The following DDX10 variants were observed in gnomAD, a reference collection of about 807,000 sequenced individuals.
DDX10 encodes probable ATP-dependent RNA helicase DDX10.
DDX10 carries 74 observed loss-of-function variants against 104.3 expected under a neutral mutation model. The ratio of observed to expected loss-of-function variants is 0.71; its 90% CI spans 0.59 to 0.86. DDX10 has a LOEUF of 0.86. Ranked by LOEUF, DDX10 falls within the 40% of genes least tolerant of loss-of-function variation. The pLI is 0.00. For missense variants in DDX10, 952 were observed against 1,040.0 expected, an observed-to-expected ratio of 0.92 and a Z score of 1.16; for synonymous variants, 351 against 353.4, an observed-to-expected ratio of 0.99 and a Z score of 0.08.
chr11:108,730,414 A>T (rs991089677), intron 13 of DDX10, among the ~76,000 whole-genome samples: 1 of 152,226 alleles, frequency 6.6e-6, no homozygotes, highest in East Asian at 1.9e-4. Flanking sequence ...ATCCAGGGCT[A>T]TCAAACAAAA....
chr11:108,785,680 C>G (rs1364497360), intron 13 of DDX10, among the ~76,000 whole-genome samples: 1 of 152,108 alleles, frequency 6.6e-6, no homozygotes, highest in Non-Finnish European at 1.5e-5. Flanking sequence ...TTTCCAGGAA[C>G]TTATCCATTT....
In DDX10 at chr11:108,940,387, A is replaced by G. The variant is rs1320181536; in HGVS notation, c.2592A>G (p.Glu864=). ...LDTGLSLAED[E]ELVLHLLRSQ... is the part of the protein sequence containing the mutation. ...CCGGCCTGTCTTTAGCAGAGGATGA[A>G]GAGCTGGTGTTACATCTGCTAAGAA... Residue 864 remains glutamate, a synonymous_variant, in exon 18 of 18, where the codon GAA becomes GAG. Transcript: ENST00000322536. 1 of 1,613,972 alleles carries G rather than the reference A, an allele frequency of 6.2e-7. No homozygotes were observed. The highest frequency in any genetic ancestry group is 1.7e-5 in the Admixed American group (1 of 60,006).
intron 13 of DDX10, among the ~76,000 whole-genome samples, chr11:108,797,707 C>T (rs1446643180): frequency 6.6e-6 from 1 of 152,194 alleles, no homozygotes; most frequent in Admixed American, 6.5e-5. Context: ...GTAAATACTT[C>T]TATTGTGCTT....
intron 14 of DDX10, among the ~76,000 whole-genome samples, chr11:108,839,485 C>T (rs949336815): frequency 1.3e-5 from 2 of 152,176 alleles, no homozygotes; most frequent in African/African-American, 4.8e-5. Context: ...AGGTACCTAA[C>T]ATAATAAGCC....
chr11:108,940,537 G>A lies in DDX10; in HGVS notation c.*114G>A. The A allele has an allele frequency of 9.7e-7, 1 of 1,027,542 alleles. No homozygotes were observed. The highest frequency in any genetic ancestry group is 1.4e-6 in the Non-Finnish European group (1 of 712,214). 63.7% of individuals were successfully genotyped at this position (1,027,542 alleles called of 1,614,324 possible). On this transcript the variant is annotated 3_prime_UTR_variant, in exon 18 of 18. Transcript: ENST00000322536. ...GTACCATATGCCCCATTCCCAAAGG[G>A]CACATTTCTGGATAGAAGCGATCGT...
intron 13 of DDX10, among the ~76,000 whole-genome samples, chr11:108,736,197 C>G (rs552754575): frequency 6.7e-6 from 1 of 149,262 alleles, no homozygotes; most frequent in African/African-American, 2.5e-5. Flanking sequence ...TCCTTTGTCT[C>G]CCTCTAGGTT....
At chr11:108,917,330 A>G (rs1009666001) in intron 16 of DDX10, among the ~76,000 whole-genome samples, 3 of 152,010 alleles carry the variant, frequency 2.0e-5, no homozygotes, top group African/African-American at 7.3e-5. Context: ...TTCACCTAGT[A>G]TTTTTGGTAG....
At chr11:108,763,801 A>G (rs1442040726) in intron 13 of DDX10, among the ~76,000 whole-genome samples, 2 of 152,210 alleles carry the variant, frequency 1.3e-5, no homozygotes. Context: ...AAGAGTTTTT[A>G]TTACTAATAA....
At chr11:108,748,128 A>C (rs1244713025) in intron 13 of DDX10, among the ~76,000 whole-genome samples, 3 of 152,194 alleles carry the variant, frequency 2.0e-5, no homozygotes, top group Non-Finnish European at 2.9e-5. Flanking sequence ...AAACTGGCAC[A>C]GGGTGGATTT....
intron 9 of DDX10, among the ~76,000 whole-genome samples, chr11:108,699,895 G>C (rs1276704281): frequency 6.6e-6 from 1 of 152,168 alleles, no homozygotes; most frequent in African/African-American, 2.4e-5. Flanking sequence ...CTCTGGCCCA[G>C]GTTAACATAG....
chr11:108,693,263 A>T (rs2094255209), intron 8 of DDX10, among the ~76,000 whole-genome samples: 1 of 152,246 alleles, frequency 6.6e-6, no homozygotes, highest in South Asian at 2.1e-4. Flanking sequence ...GACACAAAGC[A>T]ATCTGTCTCT....
rs111518330 is a variant in DDX10, at chr11:108,693,504, C to T, written c.1139-12C>T. On this transcript the variant is annotated splice_polypyrimidine_tract_variant and intron_variant, in intron 8 of 17. Coordinates refer to ENST00000322536, the MANE Select transcript of DDX10 (RefSeq NM_004398.4). ...GCAACCAGTTTCTTAACTTCACATCCCTTCTCTGTAGATTTCCCGGCCGTG... is the reference window on the plus strand; with the variant it reads ...GCAACCAGTTTCTTAACTTCACATCTCTTCTCTGTAGATTTCCCGGCCGTG... The T allele has an allele frequency of 8.1e-6, 13 of 1,608,396 alleles. 1 individual carries two copies. The Middle Eastern group carries it at 5.0e-4, about 61-fold the overall frequency.
At chr11:108,879,434 A>G (rs919104187) in intron 16 of DDX10, among the ~76,000 whole-genome samples, 3 of 152,304 alleles carry the variant, frequency 2.0e-5, no homozygotes, top group Non-Finnish European at 4.4e-5. Context: ...TCCTTCTTCA[A>G]ATTTCTGTAG....
intron 14 of DDX10, 24 bp from the exon 15 acceptor site, chr11:108,841,291 C>A (rs374110220): frequency 1.2e-6 from 2 of 1,606,964 alleles, no homozygotes; most frequent in Non-Finnish European, 1.7e-6. Flanking sequence ...TTCCTGTTGA[C>A]ACTGACCTTT....
chr11:108,830,623 C>T (rs1862456401), intron 13 of DDX10, among the ~76,000 whole-genome samples: 1 of 152,048 alleles, frequency 6.6e-6, no homozygotes, highest in South Asian at 2.1e-4. Flanking sequence ...TTGTCTTGTT[C>T]CAGTTCTCAG....
chr11:108,737,029 T>A (rs1411897343), intron 13 of DDX10, among the ~76,000 whole-genome samples: 2 of 152,318 alleles, frequency 1.3e-5, no homozygotes, highest in East Asian at 3.9e-4. Context: ...TGCTTTTTTT[T>A]CAGCATTCTC....
At chr11:108,714,233 C>T (rs947753749) in intron 10 of DDX10, among the ~76,000 whole-genome samples, 3 of 152,044 alleles carry the variant, frequency 2.0e-5, no homozygotes, top group African/African-American at 7.3e-5. Flanking sequence ...CAGACTTGTC[C>T]ACATTGAGGC....
At chr11:108,742,270 CAAAA>C (rs2094326106) in intron 13 of DDX10, among the ~76,000 whole-genome samples, 2 of 141,740 alleles carry the variant, frequency 1.4e-5, no homozygotes, top group South Asian at 4.5e-4. Context: ...AAAAACAAAA[CAAAA>C]CAAAAAAAAA....
At chr11:108,666,546 C>G (rs930510288) in intron 1 of DDX10, among the ~76,000 whole-genome samples, 1 of 152,110 alleles carries the variant, frequency 6.6e-6, no homozygotes, top group East Asian at 1.9e-4. Context: ...GGAGGCCATA[C>G]GTCTGAAATC....
Sources: allele counts gnomAD v4.1 joint callset (sites outside exome capture counted in the v4.1 genomes callset), GRCh38; gene constraint gnomAD v4.1.1; transcripts MANE v1.5; gene names NCBI Gene and HGNC (gene_info 2026-07-23, HGNC 2026-07-21).